HMCN1: variants seen among roughly 807,000 people sequenced by gnomAD.
HMCN1 encodes the protein hemicentin 1.
In HMCN1, 321 loss-of-function variants were observed where a neutral mutation model predicts 625.9. The ratio of observed to expected loss-of-function variants is 0.51; its 90% CI spans 0.47 to 0.56. HMCN1 has a LOEUF of 0.56. HMCN1 is among the 20% of genes least tolerant of loss of function. HMCN1 has a pLI of 0.00. For synonymous variants in HMCN1, 2,425 were observed against 2,417.6 expected, an observed-to-expected ratio of 1.00 and a Z score of -0.09; for missense variants, 6,588 against 6,887.3, an observed-to-expected ratio of 0.96 and a Z score of 1.54.
In HMCN1 at chr1:186,132,780, A is replaced by G. The variant is rs922388653; in HGVS notation, c.13312+371A>G. 5.7e-4 allele frequency among the ~76,000 whole-genome samples: 87 copies of G among 151,768 alleles called. 1 individual carries two copies. Among genetic ancestry groups the G allele is most frequent in the African/African-American group, 2.0e-3 (84 of 41,300 alleles). The stretch of plus-strand genomic sequence containing the variant: ...GTCATTTAACATTAGGTATATCTCC[A>G]AATGCTATACCTCCCCCCACCCCCC... On this transcript the variant is annotated intron_variant, in intron 86 of 106. Transcript: ENST00000271588.
chr1:186,159,246 T>C (rs1651259576), intron 97 of HMCN1, among the ~76,000 whole-genome samples: 1 of 151,876 alleles, frequency 6.6e-6, no homozygotes, highest in Non-Finnish European at 1.5e-5. Context: ...ATTGGTGTGC[T>C]TGTGATTTTT....
chr1:185,810,346 T>A (rs1417501221), intron 1 of HMCN1, among the ~76,000 whole-genome samples: 1 of 152,140 alleles, frequency 6.6e-6, no homozygotes, highest in Non-Finnish European at 1.5e-5. Flanking sequence ...GTGAAACTTG[T>A]CAAATATAAT....
rs373165357 is a variant in HMCN1 at position 185,990,472 on chromosome 1, A to T, written c.3377+29A>T. 7.4e-5 allele frequency: 119 copies of T among 1,601,882 alleles called. 1 individual carries two copies. The African/African-American group carries it at 1.1e-3, about 15-fold the overall frequency. ...GGAGATCTGGGATGAATTGCAACACATGAAAACATAATCAACCTCTTGGGA... is the reference window on the plus strand; with the variant it reads ...GGAGATCTGGGATGAATTGCAACACTTGAAAACATAATCAACCTCTTGGGA... On this transcript the variant is annotated intron_variant, in intron 22 of 106. Transcript: ENST00000271588.
chr1:186,114,019 T>G lies in HMCN1; in HGVS notation c.11172T>G (p.Ile3724Met). 6.2e-7 allele frequency: 1 copy of G among 1,614,160 alleles called. No individual in the cohort carries two copies. The change falls in exon 73 of 107, where the codon ATT (isoleucine) becomes ATG (methionine). Residue 3724 changes from isoleucine to methionine, a missense_variant. Coordinates refer to ENST00000271588, the MANE Select transcript of HMCN1 (RefSeq NM_031935.3). ...AGGGGGGCCCCCAGAGCCTTGTAAT[T>G]CTTTTAAATAAGTCAACTGTATTGG... ...NIKGGPQSLV[I>M]LLNKSTVLEC...
intron 4 of HMCN1, among the ~76,000 whole-genome samples, chr1:185,908,853 A>C (rs1666249298): frequency 1.3e-5 from 2 of 149,084 alleles, no homozygotes. Flanking sequence ...ATTATAATAT[A>C]GTATAATACA....
In HMCN1 at chr1:185,810,654, TTGTGTGTG is replaced by T. The variant is rs34235221; in HGVS notation, c.269-35344_269-35337del. ...AGTGACAACTAAATAAATATCAACT[TTGTGTGTG>T]TGTGTGTGTGTGTGTGTGTGTGTGT... On this transcript the variant is annotated intron_variant, in intron 1 of 106. Transcript: ENST00000271588. Among the ~76,000 whole-genome samples, 1,197 of 147,662 alleles carry T rather than the reference TTGTGTGTG, an allele frequency of 8.1e-3. 19 individuals carry two copies. The highest frequency in any genetic ancestry group is 0.027 in the African/African-American group (1,088 of 40,542).
chr1:185,918,889 T>C (rs1666859825), intron 6 of HMCN1, among the ~76,000 whole-genome samples: 1 of 152,102 alleles, frequency 6.6e-6, no homozygotes, highest in Admixed American at 6.6e-5. Context: ...CCTCTTCTTA[T>C]CTACAGAAGC....
At position 186,189,680 on chromosome 1, in the gene HMCN1, C is replaced by T. The variant is rs140911170; in HGVS notation, c.16710C>T (p.Leu5570=). ...DGVMHPRTTF[L]MVDEEQTVPF... Reference sequence around the variant, plus strand: ...TGATGCATCCCAGGACAACTTTCCTCATGGTAGATGAGGAACAGACTGTTC... The same window carrying T: ...TGATGCATCCCAGGACAACTTTCCTTATGGTAGATGAGGAACAGACTGTTC... The change falls in exon 107 of 107, where the codon CTC becomes CTT. Residue 5570 remains leucine (L), a synonymous_variant. Coordinates refer to ENST00000271588, the MANE Select transcript of HMCN1 (RefSeq NM_031935.3). 21 of 1,612,314 alleles carry T rather than the reference C, an allele frequency of 1.3e-5. No individual in the cohort carries two copies. In the African/African-American group the frequency reaches 2.0e-4, roughly 15 times the overall value.
chr1:186,076,323 C>A, intron 53 of HMCN1, 105 bp from the exon 54 acceptor site: 2 of 1,122,218 alleles, frequency 1.8e-6, no homozygotes, highest in Non-Finnish European at 2.6e-6. Context: ...ATTATTTCCA[C>A]ATTGTCTAAT....
chr1:185,871,871 G>C (rs1663642477), intron 4 of HMCN1, among the ~76,000 whole-genome samples: 1 of 152,194 alleles, frequency 6.6e-6, no homozygotes, highest in Non-Finnish European at 1.5e-5. Flanking sequence ...TCAATGATGA[G>C]ACTCTGAAAA....
intron 1 of HMCN1, among the ~76,000 whole-genome samples, chr1:185,804,345 G>T (rs1289318208): frequency 6.7e-6 from 1 of 150,144 alleles, no homozygotes; most frequent in Non-Finnish European, 1.5e-5. Flanking sequence ...CATGATTCTA[G>T]TGTTTGTTGA....
At position 185,744,973 on chromosome 1, in the gene HMCN1, G is replaced by C. The variant is rs575940586; in HGVS notation, c.268+9926G>C. On this transcript the variant is annotated intron_variant, in intron 1 of 106. Transcript: ENST00000271588. The stretch of plus-strand genomic sequence containing the variant: ...CCAGGGGGAAACATTGAGGGGACTT[G>C]GGTGTAGAGATAAGGGGATAGATTT... Among the ~76,000 whole-genome samples the C allele has an allele frequency of 9.3e-4, 142 of 152,286 alleles. 1 individual carries two copies. Among genetic ancestry groups the C allele is most frequent in the African/African-American group, 3.2e-3 (132 of 41,554 alleles).
At chr1:185,814,043 G>A (rs1207195611) in intron 1 of HMCN1, among the ~76,000 whole-genome samples, 1 of 152,102 alleles carries the variant, frequency 6.6e-6, no homozygotes, top group African/African-American at 2.4e-5. Flanking sequence ...TCTACACTTA[G>A]TATTGCATAT....
intron 68 of HMCN1, among the ~76,000 whole-genome samples, chr1:186,096,030 C>A (rs1053830828): frequency 1.3e-5 from 2 of 152,108 alleles, no homozygotes; most frequent in Non-Finnish European, 2.9e-5. Flanking sequence ...GAAAACACTT[C>A]TTTTCCTTGA....
At chr1:185,916,395 G>T (rs545906107) in intron 6 of HMCN1, among the ~76,000 whole-genome samples, 1 of 152,088 alleles carries the variant, frequency 6.6e-6, no homozygotes, top group African/African-American at 2.4e-5. Flanking sequence ...TGAGGAAAGT[G>T]GGGGAAAATA....
intron 4 of HMCN1, among the ~76,000 whole-genome samples, chr1:185,883,077 C>T (rs1334209884): frequency 6.6e-6 from 1 of 152,016 alleles, no homozygotes; most frequent in Non-Finnish European, 1.5e-5. Context: ...CGTTCAATTA[C>T]TATGCTTTTG....
At chr1:185,819,131 G>T (rs761982868) in intron 1 of HMCN1, among the ~76,000 whole-genome samples, 1 of 151,716 alleles carries the variant, frequency 6.6e-6, no homozygotes, top group Non-Finnish European at 1.5e-5. Flanking sequence ...CAGCTACTCG[G>T]GAGGCTGAAG....
chr1:185,878,619 T>TAA (rs1339797196), intron 4 of HMCN1, among the ~76,000 whole-genome samples: 3 of 152,202 alleles, frequency 2.0e-5, no homozygotes, highest in African/African-American at 7.2e-5. Context: ...TTTGGTGTGC[T>TAA]GGTAGATTTG....
chr1:186,073,646 G>A (rs533757727), intron 52 of HMCN1, among the ~76,000 whole-genome samples: 2 of 152,066 alleles, frequency 1.3e-5, no homozygotes, highest in Admixed American at 6.6e-5. Context: ...TAAAGGGAGA[G>A]GAGGCAAAAG....
Sources: gnomAD v4.1 joint callset for allele counts (sites outside exome capture counted in the v4.1 genomes callset) on GRCh38, gnomAD v4.1.1 for gene constraint, MANE v1.5 for transcripts, NCBI Gene and HGNC (gene_info 2026-07-23, HGNC 2026-07-21) for gene names.